The following FRMPD4 variants were observed in gnomAD, a reference collection of about 807,000 sequenced individuals.
The protein encoded by FRMPD4 is FERM and PDZ domain containing 4.
A neutral mutation model predicts 94.1 loss-of-function variants in FRMPD4; 22 were observed. The observed-to-expected ratio is 0.23, with a 90% CI of 0.17 to 0.33. The LOEUF is 0.33. Ranked by LOEUF, FRMPD4 falls within the 10% of genes least tolerant of loss-of-function variation. The pLI is 1.00. For missense variants in FRMPD4, 1,111 were observed against 1,339.9 expected, an observed-to-expected ratio of 0.83 and a Z score of 2.67; for synonymous variants, 631 against 548.6, an observed-to-expected ratio of 1.15 and a Z score of -2.10.
At chrX:12,586,813 T>A (rs1446137327) in intron 2 of FRMPD4, among the ~76,000 whole-genome samples, 3 of 111,627 alleles carry the variant, frequency 2.7e-5, no homozygotes, top group African/African-American at 9.8e-5. Context: ...GAAAAGATCA[T>A]GTGAATAATG....
chrX:12,249,018 G>A lies in FRMPD4; in HGVS notation c.41+110006G>A, dbSNP rs780171890. ...TGTGCCACTGCACTCCAGCCTGGGC[G>A]ATAGAATGAGACTCCGTCTCAAAAA... On this transcript the variant is annotated intron_variant, in intron 1 of 16. Transcript: ENST00000675598. Among the ~76,000 whole-genome samples, 122 of 112,796 alleles carry A rather than the reference G, an allele frequency of 1.1e-3. 1 individual carries two copies. Among genetic ancestry groups the A allele is most frequent in the Middle Eastern group, 4.6e-3 (1 of 218 alleles).
At chrX:12,315,708 G>A (rs2055103857) in intron 1 of FRMPD4, among the ~76,000 whole-genome samples, 1 of 112,468 alleles carries the variant, frequency 8.9e-6, no homozygotes, top group Admixed American at 9.4e-5. Flanking sequence ...GAACTATGCA[G>A]CAACAAACAA....
intron 3 of FRMPD4, among the ~76,000 whole-genome samples, chrX:11,997,700 C>G (rs1239271325): frequency 1.8e-5 from 2 of 110,944 alleles, no homozygotes; most frequent in African/African-American, 6.6e-5. Context: ...GGCAAAAGGC[C>G]AAGCCAATTT....
intron 3 of FRMPD4, among the ~76,000 whole-genome samples, chrX:12,047,483 C>A (rs1232326992): frequency 1.8e-5 from 2 of 111,041 alleles, no homozygotes; most frequent in African/African-American, 6.5e-5. Context: ...GTGTACATAC[C>A]AATTTTTAAA....
intron 3 of FRMPD4, among the ~76,000 whole-genome samples, chrX:12,032,247 G>A (rs931682624): frequency 8.9e-6 from 1 of 111,764 alleles, no homozygotes; most frequent in Admixed American, 9.5e-5. Context: ...AACTAACCAA[G>A]AGGGAGGTGG....
intron 1 of FRMPD4, among the ~76,000 whole-genome samples, chrX:12,213,764 G>A (rs1454833277): frequency 8.9e-6 from 1 of 111,841 alleles, no homozygotes; most frequent in Non-Finnish European, 1.9e-5. Context: ...TCTTTACTTT[G>A]ATCTGTGTAA....
intron 1 of FRMPD4, among the ~76,000 whole-genome samples, chrX:11,838,357 T>C (rs754391805): frequency 8.9e-6 from 1 of 111,780 alleles, no homozygotes; most frequent in African/African-American, 3.2e-5. Flanking sequence ...GTATCGAAAC[T>C]GTAACCATTT....
At chrX:12,078,543 T>C (rs763780504) in intron 3 of FRMPD4, among the ~76,000 whole-genome samples, 1 of 112,094 alleles carries the variant, frequency 8.9e-6, no homozygotes, top group Non-Finnish European at 1.9e-5. Context: ...ATGCAGTACA[T>C]TTCCACAATC....
At chrX:12,250,646 T>C (rs2147809445) in intron 1 of FRMPD4, among the ~76,000 whole-genome samples, 1 of 112,147 alleles carries the variant, frequency 8.9e-6, no homozygotes, top group South Asian at 3.7e-4. Flanking sequence ...TTTCTTTATC[T>C]CCGTCAAATT....
intron 2 of FRMPD4, among the ~76,000 whole-genome samples, chrX:12,505,054 A>T (rs2057965487): frequency 8.9e-6 from 1 of 111,810 alleles, no homozygotes; most frequent in South Asian, 3.8e-4. Context: ...TGCTGTATAT[A>T]GCCCCTAGGG....
intron 2 of FRMPD4, among the ~76,000 whole-genome samples, chrX:11,871,518 G>A (rs1032226563): frequency 4.4e-5 from 5 of 112,709 alleles, no homozygotes; most frequent in African/African-American, 1.6e-4. Flanking sequence ...CTTAGTATAA[G>A]TATATCCTAT....
At chrX:12,007,578 T>C (rs1016472445) in intron 3 of FRMPD4, among the ~76,000 whole-genome samples, 10 of 111,482 alleles carry the variant, frequency 9.0e-5, no homozygotes, top group Non-Finnish European at 1.9e-4. Context: ...CTCTCAATCC[T>C]TTTCCCTGGC....
chrX:12,580,525 A>G (rs2058854051), intron 2 of FRMPD4, among the ~76,000 whole-genome samples: 1 of 112,124 alleles, frequency 8.9e-6, no homozygotes, highest in African/African-American at 3.2e-5. Context: ...TAATGAATAG[A>G]CCATTTATAA....
intron 1 of FRMPD4, among the ~76,000 whole-genome samples, chrX:12,289,496 A>C (rs2054652849): frequency 8.9e-6 from 1 of 111,982 alleles, no homozygotes; most frequent in African/African-American, 3.2e-5. Context: ...TGGTCATCAT[A>C]TTGGACAATG....
Position 12,718,028 on chromosome X carries a change from G to T in FRMPD4, c.3202G>T (p.Val1068Leu). The T allele has an allele frequency of 8.3e-7, 1 of 1,211,861 alleles. No homozygotes were observed. The highest frequency in any genetic ancestry group is 1.1e-6 in the Non-Finnish European group (1 of 895,366). Residue 1068 changes from valine (V) to leucine (L), a missense_variant, in exon 16 of 17, where the codon GTG (valine) becomes TTG (leucine). Val to Leu is a conservative substitution (Grantham distance 32). Transcript: ENST00000675598. The part of the protein sequence containing the change: ...EEEASGKFGT[V>L]SSRDSQHLST... ...GGAGGCCAGTGGTAAATTTGGTACT[G>T]TGTCTTCACGAGACAGTCAACACCT...
intron 4 of FRMPD4, among the ~76,000 whole-genome samples, chrX:12,650,657 G>A (rs956882695): frequency 8.9e-6 from 1 of 112,434 alleles, no homozygotes; most frequent in African/African-American, 3.2e-5. Flanking sequence ...ACCTCAGTAA[G>A]ATGGGTCAGC....
At chrX:12,689,513 G>C (rs1178874614) in intron 7 of FRMPD4, among the ~76,000 whole-genome samples, 1 of 112,291 alleles carries the variant, frequency 8.9e-6, no homozygotes, top group South Asian at 3.7e-4. Flanking sequence ...CTTCCCCAAA[G>C]CTGCACAGCT....
chrX:12,287,683 G>C (rs2054622414), intron 1 of FRMPD4, among the ~76,000 whole-genome samples: 1 of 111,936 alleles, frequency 8.9e-6, no homozygotes, highest in Middle Eastern at 4.2e-3. Context: ...TAGTCATCTA[G>C]GAGAGAGGAA....
chrX:12,626,013 G>T (rs192810714), intron 4 of FRMPD4, among the ~76,000 whole-genome samples: 1 of 111,676 alleles, frequency 9.0e-6, no homozygotes, highest in African/African-American at 3.2e-5. Context: ...TACAGGGAGC[G>T]TATGGATTTC....
Sources: gnomAD v4.1 joint callset for allele counts (sites outside exome capture counted in the v4.1 genomes callset) on GRCh38, gnomAD v4.1.1 for gene constraint, MANE v1.5 for transcripts, NCBI Gene and HGNC (gene_info 2026-07-23, HGNC 2026-07-21) for gene names.